Variants in ASPG observed in about 807,000 individuals in gnomAD.
ASPG encodes the protein asparaginase.
In ASPG, 53 loss-of-function variants were observed where a neutral mutation model predicts 63.2. The ratio of observed to expected loss-of-function variants is 0.84; its 90% CI spans 0.67 to 1.05. The LOEUF (loss-of-function observed/expected upper bound fraction) is 1.05. ASPG is among the 50% of genes least tolerant of loss of function. The pLI, the probability that ASPG is intolerant of heterozygous loss-of-function variation, is 0.00. For synonymous variants in ASPG, 370 were observed against 355.0 expected, an observed-to-expected ratio of 1.04 and a Z score of -0.48; for missense variants, 741 against 794.4, an observed-to-expected ratio of 0.93 and a Z score of 0.81.
chr14:104,095,777 G>C, intron 4 of ASPG, 121 bp downstream of exon 4: 2 of 1,356,976 alleles, frequency 1.5e-6, no homozygotes, highest in South Asian at 2.6e-5. Context: ...AGCTCCTGAG[G>C]TGGCTGCTGC....
chr14:104,095,419 G>T, intron 3 of ASPG, 112 bp from the exon 4 acceptor site: 1 of 1,470,180 alleles, frequency 6.8e-7, no homozygotes, highest in Non-Finnish European at 9.2e-7. Context: ...GGTCCCACGG[G>T]TGCCTCCCCT....
chr14:104,112,805 G>A lies in ASPG; in HGVS notation c.*261G>A, dbSNP rs1470216424. 1.9e-5 allele frequency: 13 copies of A among 687,304 alleles called. No individual in the cohort carries two copies. The highest frequency in any genetic ancestry group is 2.6e-5 in the Non-Finnish European group (11 of 430,688). 42.6% of individuals were successfully genotyped at this position (687,304 alleles called of 1,614,324 possible). On this transcript the variant is annotated 3_prime_UTR_variant, in exon 16 of 16. Coordinates refer to ENST00000551177, the MANE Select transcript of ASPG (RefSeq NM_001080464.3). The stretch of plus-strand genomic sequence containing the variant: ...GGCCCAGGCTCTGTGGGGTCTCTGC[G>A]GGGGTCACTTGGCCCATCCTTCCGG...
intron 14 of ASPG, 122 bp downstream of exon 14, chr14:104,111,723 C>A: frequency 1.1e-6 from 1 of 909,316 alleles, no homozygotes; most frequent in Middle Eastern, 2.5e-4. Flanking sequence ...AATGCCTGGC[C>A]CTCCCCATGC....
rs76193065 is a variant in ASPG, at chr14:104,113,695, G to T, written c.*1151G>T. ...GCCCTTGGCACCTGGGCATACCCCAGGCTCCTCAGCCTGGTTCCCAAGCCT... is the reference window on the plus strand; with the variant it reads ...GCCCTTGGCACCTGGGCATACCCCATGCTCCTCAGCCTGGTTCCCAAGCCT... On this transcript the variant is annotated 3_prime_UTR_variant, in exon 16 of 16. Coordinates refer to ENST00000551177, the MANE Select transcript of ASPG (RefSeq NM_001080464.3). The T allele has an allele frequency of 6.6e-6, 1 of 152,326 alleles. No individual in the cohort carries two copies. The highest frequency in any genetic ancestry group is 2.1e-4 in the South Asian group (1 of 4,832). The allele number at this position is 152,326 out of a possible 1,614,324, so 9.4% of individuals were successfully genotyped here.
intron 6 of ASPG, among the ~76,000 whole-genome samples, chr14:104,102,136 C>T (rs1360160381): frequency 3.9e-5 from 6 of 152,056 alleles, no homozygotes; most frequent in South Asian, 2.1e-4. Context: ...CCCCTCCTTT[C>T]CTGTGCTGAT....
intron 4 of ASPG, among the ~76,000 whole-genome samples, chr14:104,095,926 G>A (rs1056794483): frequency 6.6e-6 from 1 of 152,108 alleles, no homozygotes; most frequent in Non-Finnish European, 1.5e-5. Flanking sequence ...GGCCCACCTC[G>A]GCCCTGGGGG....
At chr14:104,095,383 C>G (rs2036550380) in intron 3 of ASPG, 148 bp from the exon 4 acceptor site, 1 of 1,159,104 alleles carries the variant, frequency 8.6e-7, no homozygotes, top group South Asian at 1.5e-5. Context: ...AGGGGCTAAT[C>G]TTCCAGAGAG....
At position 104,093,503 on chromosome 14, in the gene ASPG, C is replaced by T. The variant is rs752023127; in HGVS notation, c.204C>T (p.Arg68=). 1 of 1,612,662 alleles carries T rather than the reference C, an allele frequency of 6.2e-7. No homozygotes were observed. The highest frequency in any genetic ancestry group is 1.7e-5 in the Admixed American group (1 of 60,014). ...EDTLVLPPAS[R]NQRILYTVLE... The stretch of plus-strand genomic sequence containing the variant: ...TTCTGTCCCGCAGCCCGGCCAGCCG[C>T]AACCAGAGGATTCTCTACACCGTGC... Residue 68 remains arginine (R), a synonymous_variant, in exon 3 of 16, where the codon CGC becomes CGT. Transcript: ENST00000551177.
chr14:104,111,029 A>G (rs1361671029), intron 13 of ASPG: 1 of 985,304 alleles, frequency 1.0e-6, no homozygotes, highest in Non-Finnish European at 1.2e-6. Context: ...GGGCTGCCTC[A>G]AACTTTCCTT....
intron 3 of ASPG, among the ~76,000 whole-genome samples, chr14:104,094,740 C>G (rs1384042909): frequency 6.6e-6 from 1 of 152,226 alleles, no homozygotes; most frequent in Non-Finnish European, 1.5e-5. Context: ...CCCTGCGGTC[C>G]TTGCTGCAGG....
chr14:104,093,457 T>C, intron 2 of ASPG, 34 bp from the exon 3 acceptor site: 1 of 1,546,922 alleles, frequency 6.5e-7, no homozygotes, highest in Middle Eastern at 1.7e-4. Flanking sequence ...AGCGGGAGCC[T>C]GCTGTTCCGC....
Position 104,110,434 on chromosome 14 carries a change from G to A in ASPG, c.1521-1068G>A, listed in dbSNP as rs1030952930. ...GCCTTGCTGGCTCCATTGACAGATGGGGAAACTGAGGCAGTAGTCAGGTCC... is the reference window on the plus strand; with the variant it reads ...GCCTTGCTGGCTCCATTGACAGATGAGGAAACTGAGGCAGTAGTCAGGTCC... On this transcript the variant is annotated intron_variant, in intron 13 of 15. Transcript: ENST00000551177. This position sits in a 1 kb window ranked among gnomAD's most constrained non-coding sequence, Gnocchi z 4.7. 1.6e-4 allele frequency: 153 copies of A among 985,346 alleles called. No individual in the cohort carries two copies. Among genetic ancestry groups the A allele is most frequent in the Middle Eastern group, 5.2e-4 (1 of 1,914 alleles). 61.0% of individuals were successfully genotyped at this position (985,346 alleles called of 1,614,324 possible).
rs371179199 is a variant in ASPG, at chr14:104,106,814, C to T, written c.1189C>T (p.Arg397Trp). 4.7e-5 allele frequency: 75 copies of T among 1,598,828 alleles called. No individual in the cohort carries two copies. The highest frequency in any genetic ancestry group is 5.4e-5 in the Non-Finnish European group (64 of 1,174,346). Residue 397 changes from arginine to tryptophan, a missense_variant, in exon 11 of 16, where the codon CGG becomes TGG. Arg to Trp is a moderately radical substitution (Grantham distance 101). Coordinates refer to ENST00000551177, the MANE Select transcript of ASPG (RefSeq NM_001080464.3). ...LSGSQEADAL[R>W]NALVPSLACA... Reference sequence around the variant, plus strand: ...CCCCACCTAGGAGGCAGATGCCCTGCGGAATGCCCTGGTGCCCAGCCTGGC... The same window carrying T: ...CCCCACCTAGGAGGCAGATGCCCTGTGGAATGCCCTGGTGCCCAGCCTGGC...
chr14:104,109,235 G>C lies in ASPG; in HGVS notation c.1440G>C (p.Pro480=). The C allele has an allele frequency of 1.9e-6, 3 of 1,613,208 alleles. No individual in the cohort carries two copies. Among genetic ancestry groups the C allele is most frequent in the Non-Finnish European group, 2.5e-6 (3 of 1,179,762 alleles). The change falls in exon 13 of 16, where the codon CCG becomes CCC. Residue 480 remains proline (P), a synonymous_variant. Coordinates refer to ENST00000551177, the MANE Select transcript of ASPG (RefSeq NM_001080464.3). This position sits in a 1 kb window ranked among gnomAD's most constrained non-coding sequence, Gnocchi z 4.8. The stretch of plus-strand genomic sequence containing the variant: ...CATGCTCATTCTCACACAGGCATCC[G>C]GGTGTCATTGGGTTGCTGCGGGAAG... The part of the protein sequence containing the change: ...PLLLAVRGRH[P]GVIGLLREAG...
intron 1 of ASPG, among the ~76,000 whole-genome samples, chr14:104,092,225 C>T (rs1055029331): frequency 5.9e-5 from 9 of 152,068 alleles, no homozygotes; most frequent in East Asian, 1.9e-4. Flanking sequence ...GAAGTGGGGA[C>T]GAGGCAGGAC....
chr14:104,090,782 A>G (rs909252325), intron 1 of ASPG, among the ~76,000 whole-genome samples: 2 of 152,220 alleles, frequency 1.3e-5, no homozygotes, highest in Non-Finnish European at 2.9e-5. Flanking sequence ...CATGACCCCT[A>G]ATATCACATC....
At position 104,114,408 on chromosome 14, in the gene ASPG, A is replaced by T. The variant is rs371890490; in HGVS notation, c.*1864A>T. 2.6e-5 allele frequency: 4 copies of T among 151,998 alleles called. No homozygotes were observed. Among genetic ancestry groups the T allele is most frequent in the Non-Finnish European group, 5.9e-5 (4 of 68,084 alleles). The allele number at this position is 151,998 out of a possible 1,614,324, so 9.4% of individuals were successfully genotyped here. ...GCTCCTCACAAGGCTGGGCAGCCAG[A>T]CCCCCATTGTCAGTCCCCTCCAAAC... On this transcript the variant is annotated 3_prime_UTR_variant, in exon 16 of 16. Transcript: ENST00000551177.
chr14:104,111,832 A>G (rs1359134062), intron 14 of ASPG, 88 bp from the exon 15 acceptor site: 1 of 1,324,432 alleles, frequency 7.6e-7, no homozygotes, highest in Non-Finnish European at 1.0e-6. Flanking sequence ...GGCTGGGGAC[A>G]GGGGAGGGCA....
Position 104,110,047 on chromosome 14 carries a change from G to A in ASPG, c.1520+732G>A, listed in dbSNP as rs2037321171. On this transcript the variant is annotated intron_variant, in intron 13 of 15. Transcript: ENST00000551177. This position sits in a 1 kb window ranked among gnomAD's most constrained non-coding sequence, Gnocchi z 4.7. ...ATCGCTGCCCCCCACCCCATGCCTT[G>A]TGCCTGGTGACTTGGCGCTGCCTCC... The A allele has an allele frequency of 1.0e-6, 1 of 985,308 alleles. No homozygotes were observed. The highest frequency in any genetic ancestry group is 1.2e-6 in the Non-Finnish European group (1 of 829,934). The allele number at this position is 985,308 out of a possible 1,614,324, so 61.0% of individuals were successfully genotyped here. A position where few individuals can be genotyped will look rare whatever the true frequency, so the allele number is the denominator to read the frequency against.
Sources: allele counts gnomAD v4.1 joint callset (sites outside exome capture counted in the v4.1 genomes callset), GRCh38; gene constraint gnomAD v4.1.1; non-coding constraint Gnocchi (gnomAD v3.1); transcripts MANE v1.5; gene names NCBI Gene and HGNC (gene_info 2026-07-23, HGNC 2026-07-21).